CHD1: variants seen among roughly 807,000 people sequenced by gnomAD.
CHD1 encodes the protein ATP-dependent chromatin remodeler CHD1.
CHD1 carries 36 observed loss-of-function variants against 224.2 expected under a neutral mutation model. That is an observed-to-expected ratio of 0.16 (90% CI 0.12 to 0.21). CHD1 has a LOEUF of 0.21. CHD1 is among the 10% of genes least tolerant of loss of function. The probability of loss-of-function intolerance (pLI) is 1.00; values close to 1 mark genes in which losing one functional copy is unlikely to be tolerated. For synonymous variants in CHD1, 668 were observed against 658.3 expected (o/e 1.01, Z -0.23); for missense variants, 1,378 against 1,994.8 (o/e 0.69, Z 5.89).
At chr5:98,912,904 A>G (rs1490500477) in intron 2 of CHD1, among the ~76,000 whole-genome samples, 3 of 152,044 alleles carry the variant, frequency 2.0e-5, no homozygotes, top group African/African-American at 4.8e-5. Context: ...TGTACATATA[A>G]TTTCCCTACT....
At chr5:98,890,317 A>G (rs2112459011) in intron 15 of CHD1, among the ~76,000 whole-genome samples, 1 of 152,230 alleles carries the variant, frequency 6.6e-6, no homozygotes, top group Non-Finnish European at 1.5e-5. Context: ...ATTCTTTACC[A>G]CTAGTTATAC....
At chr5:98,919,524 C>A (rs1752955484) in intron 2 of CHD1, among the ~76,000 whole-genome samples, 1 of 152,110 alleles carries the variant, frequency 6.6e-6, no homozygotes, top group Non-Finnish European at 1.5e-5. Flanking sequence ...AAATTAGTTT[C>A]TCTTGATAAA....
intron 15 of CHD1, among the ~76,000 whole-genome samples, chr5:98,892,209 C>T (rs914095996): frequency 7.6e-4 from 115 of 152,198 alleles, no homozygotes; most frequent in Middle Eastern, 3.4e-3. Flanking sequence ...TGTTAATTGT[C>T]ATAATCATAT....
intron 7 of CHD1, 145 bp downstream of exon 7, chr5:98,900,666 C>G: frequency 7.4e-6 from 5 of 674,872 alleles, no homozygotes; most frequent in Non-Finnish European, 1.0e-5. Context: ...GTCTAGAACT[C>G]CTGACCTCAG....
intron 16 of CHD1, among the ~76,000 whole-genome samples, chr5:98,888,508 C>T (rs773427858): frequency 1.3e-5 from 2 of 152,170 alleles, no homozygotes; most frequent in Non-Finnish European, 2.9e-5. Flanking sequence ...AGTTACTATA[C>T]CACAGTGTTT....
At chr5:98,880,584 C>G (rs779815864) in intron 22 of CHD1, among the ~76,000 whole-genome samples, 12 of 152,168 alleles carry the variant, frequency 7.9e-5, no homozygotes, top group Non-Finnish European at 1.5e-4. Context: ...GGTCAGTTGA[C>G]TTACGTTGTT....
At chr5:98,916,900 C>A (rs1752769459) in intron 2 of CHD1, among the ~76,000 whole-genome samples, 1 of 151,106 alleles carries the variant, frequency 6.6e-6, no homozygotes, top group Non-Finnish European at 1.5e-5. Context: ...AATTCTGATT[C>A]TTTTATTATA....
intron 9 of CHD1, 79 bp from the exon 10 acceptor site, chr5:98,898,513 G>T: frequency 7.6e-7 from 1 of 1,314,966 alleles, no homozygotes; most frequent in South Asian, 1.7e-5. Context: ...CTTAGTAAAG[G>T]CTACACAAGT....
chr5:98,919,737 T>G (rs1404303535), intron 2 of CHD1, among the ~76,000 whole-genome samples: 2 of 152,212 alleles, frequency 1.3e-5, no homozygotes, highest in Admixed American at 1.3e-4. Context: ...ATGTATGAGA[T>G]AATATGTATA....
Position 98,860,090 on chromosome 5 carries a change from CA to C in CHD1, c.4428-23del, listed in dbSNP as rs748570974. 1.4e-5 allele frequency: 18 copies of C among 1,314,256 alleles called. 1 individual carries two copies. The South Asian group carries it at 2.2e-4, about 16-fold the overall frequency. 81.4% of individuals were successfully genotyped at this position (1,314,256 alleles called of 1,614,324 possible). On this transcript the variant is annotated intron_variant, in intron 32 of 35. Transcript: ENST00000614616. ...GTTTCTAGAAGAATTTAAAAAAAGG[CA>C]AATTAAGTTAGTCTGGTGGAAAATA...
chr5:98,874,770 C>A (rs58768400), intron 25 of CHD1, among the ~76,000 whole-genome samples: 2 of 151,146 alleles, frequency 1.3e-5, no homozygotes, highest in African/African-American at 4.8e-5. Flanking sequence ...TAAATCTGCT[C>A]GTGCTACTTT....
At chr5:98,861,359 TAC>T (rs1360582353) in intron 32 of CHD1, among the ~76,000 whole-genome samples, 3 of 152,212 alleles carry the variant, frequency 2.0e-5, no homozygotes, top group African/African-American at 2.4e-5. Flanking sequence ...ATCACTTTAT[TAC>T]AGTCATCTTT....
intron 25 of CHD1, among the ~76,000 whole-genome samples, 191 bp from the exon 26 acceptor site, chr5:98,873,914 CAATAAT>C (rs897324877): frequency 1.3e-5 from 2 of 152,102 alleles, no homozygotes; most frequent in African/African-American, 4.8e-5. Context: ...TTTATATATT[CAATAAT>C]AATGAGTTTA....
At position 98,902,917 on chromosome 5, in the gene CHD1, T is replaced by C; in HGVS notation, c.420A>G (p.Lys140=). The stretch of plus-strand genomic sequence containing the variant: ...TGACATACTCTTTATGCTTTTTCCT[T>C]TTGACCTCACTTGATGAGTCATCGG... ...EDSDDSSSEV[K]RKKHKDEDWQ... Residue 140 remains lysine (K), a synonymous_variant, in exon 5 of 36, where the codon AAA becomes AAG. Coordinates refer to ENST00000614616, the MANE Select transcript of CHD1 (RefSeq NM_001270.4). 6.2e-7 allele frequency: 1 copy of C among 1,604,670 alleles called. No homozygotes were observed. The highest frequency in any genetic ancestry group is 8.5e-7 in the Non-Finnish European group (1 of 1,173,566).
intron 13 of CHD1, among the ~76,000 whole-genome samples, 176 bp downstream of exon 13, chr5:98,894,421 G>GT (rs2112482335): frequency 6.6e-6 from 1 of 152,194 alleles, no homozygotes; most frequent in South Asian, 2.1e-4. Context: ...CCCTTTAAAT[G>GT]TAACCTTTCA....
intron 17 of CHD1, among the ~76,000 whole-genome samples, chr5:98,886,641 T>C (rs1750667889): frequency 6.6e-6 from 1 of 152,230 alleles, no homozygotes; most frequent in South Asian, 2.1e-4. Context: ...GAAGAAAAAA[T>C]ATAAACATTT....
At chr5:98,920,227 A>T (rs1367260529) in intron 2 of CHD1, among the ~76,000 whole-genome samples, 1 of 152,184 alleles carries the variant, frequency 6.6e-6, no homozygotes, top group African/African-American at 2.4e-5. Flanking sequence ...TAATATATGT[A>T]AATACTCCCC....
rs779177439 is a variant in CHD1, at chr5:98,855,337, T to C, written c.*1043A>G. Reference sequence around the variant, plus strand: ...TGGCTGCATAGCACATTTGACATTATTGCCCACATAAAACGGGAAAACAAA... The same window carrying C: ...TGGCTGCATAGCACATTTGACATTACTGCCCACATAAAACGGGAAAACAAA... On this transcript the variant is annotated 3_prime_UTR_variant, in exon 36 of 36. Coordinates refer to ENST00000614616, the MANE Select transcript of CHD1 (RefSeq NM_001270.4). 1.3e-5 allele frequency: 2 copies of C among 152,632 alleles called. No individual in the cohort carries two copies. The highest frequency in any genetic ancestry group is 1.9e-4 in the East Asian group (1 of 5,202). The allele number at this position is 152,632 out of a possible 1,614,324, so 9.5% of individuals were successfully genotyped here.
chr5:98,922,136 T>C (rs778390914), intron 2 of CHD1, among the ~76,000 whole-genome samples: 46 of 151,690 alleles, frequency 3.0e-4, no homozygotes, highest in Non-Finnish European at 2.7e-4. Context: ...TGGGCAACAG[T>C]GAGACTCCAT....
Sources: gnomAD v4.1 joint callset for allele counts (sites outside exome capture counted in the v4.1 genomes callset) on GRCh38, gnomAD v4.1.1 for gene constraint, MANE v1.5 for transcripts, NCBI Gene and HGNC (gene_info 2026-07-23, HGNC 2026-07-21) for gene names.